PPFIBP1: variants seen among roughly 807,000 people sequenced by gnomAD.
PPFIBP1 encodes the protein PPFIB scaffold protein 1, also known as liprin-beta-1.
Under a neutral mutation model 137.8 loss-of-function variants are expected in PPFIBP1, and 112 were observed. The ratio of observed to expected loss-of-function variants is 0.81; its 90% confidence interval spans 0.70 to 0.95. The LOEUF is 0.95. Ranked by LOEUF, PPFIBP1 falls within the 40% of genes least tolerant of loss-of-function variation. The probability of loss-of-function intolerance (pLI) is 0.00; values close to 1 mark genes in which losing one functional copy is unlikely to be tolerated. For missense variants in PPFIBP1, 1,083 were observed against 1,196.6 expected (o/e 0.91, Z 1.40); for synonymous variants, 378 against 417.3 (o/e 0.91, Z 1.15).
At chr12:27,616,502 ATC>A (rs1435645557) in intron 2 of PPFIBP1, among the ~76,000 whole-genome samples, 1 of 152,050 alleles carries the variant, frequency 6.6e-6, no homozygotes, top group Non-Finnish European at 1.5e-5. Context: ...TAAGCACTGG[ATC>A]GTAACACAGG....
chr12:27,600,117 T>A (rs2053799363), intron 2 of PPFIBP1, among the ~76,000 whole-genome samples: 1 of 152,098 alleles, frequency 6.6e-6, no homozygotes, highest in African/African-American at 2.4e-5. Flanking sequence ...AACTTCTCTG[T>A]AAGTCTAAAA....
chr12:27,606,374 G>A (rs767799077), intron 2 of PPFIBP1, among the ~76,000 whole-genome samples: 19 of 152,144 alleles, frequency 1.2e-4, no homozygotes, highest in Admixed American at 1.3e-4. Context: ...AAGGTTGTCG[G>A]GGAGTAAGTT....
Position 27,653,533 on chromosome 12 carries a change from G to A in PPFIBP1, c.604-1189G>A, listed in dbSNP as rs2059008350. 2.7e-5 allele frequency among the ~76,000 whole-genome samples: 4 copies of A among 146,636 alleles called. No individual in the cohort carries two copies. The South Asian group carries it at 8.7e-4, about 32-fold the overall frequency. On this transcript the variant is annotated intron_variant, in intron 7 of 29. Transcript: ENST00000228425. ...ACCCTGGAGGCGAAGGTCGCGGTGA[G>A]CTGAGATGGCGGCACTGCACTCCAG...
intron 2 of PPFIBP1, among the ~76,000 whole-genome samples, chr12:27,627,721 G>A (rs920531018): frequency 6.6e-6 from 1 of 152,038 alleles, no homozygotes; most frequent in Non-Finnish European, 1.5e-5. Context: ...ATCCATGCCC[G>A]GAACTTTCCT....
At chr12:27,577,364 T>A (rs1476024389) in intron 1 of PPFIBP1, among the ~76,000 whole-genome samples, 1 of 152,178 alleles carries the variant, frequency 6.6e-6, no homozygotes, top group East Asian at 1.9e-4. Context: ...AACAGCCACA[T>A]CCATACGTCA....
In PPFIBP1 at chr12:27,673,773, A is replaced by C; in HGVS notation, c.1326A>C (p.Ser442=). ...DTQLCDKLLT[S]SLQKSSSLGN... is the part of the protein sequence containing the mutation. ...TTATTACTGTTATTTTTAGAACTTCAAGTCTGCAGAAGTCCAGCAGCCTGG... is the reference window on the plus strand; with the variant it reads ...TTATTACTGTTATTTTTAGAACTTCCAGTCTGCAGAAGTCCAGCAGCCTGG... Residue 442 remains serine, a synonymous_variant, in exon 16 of 30, where the codon TCA becomes TCC. Transcript: ENST00000228425. The C allele has an allele frequency of 6.2e-7, 1 of 1,612,782 alleles. No homozygotes were observed. Among genetic ancestry groups the C allele is most frequent in the Non-Finnish European group, 8.5e-7 (1 of 1,179,104 alleles).
At chr12:27,628,464 T>C (rs554757687) in intron 2 of PPFIBP1, among the ~76,000 whole-genome samples, 1 of 152,270 alleles carries the variant, frequency 6.6e-6, no homozygotes, top group South Asian at 2.1e-4. Flanking sequence ...CAGGTGTGAG[T>C]CACTGTGCTT....
At chr12:27,536,960 G>C (rs10842926) in intron 1 of PPFIBP1, among the ~76,000 whole-genome samples, 14,076 of 152,046 alleles carry the variant, frequency 0.093, 844 homozygotes, top group East Asian at 0.27. Context: ...CAGGTTTGTG[G>C]GTGGTAGCCT....
chr12:27,676,048 G>A lies in PPFIBP1; in HGVS notation c.1411-380G>A, dbSNP rs892959220. On this transcript the variant is annotated intron_variant, in intron 17 of 29. Transcript: ENST00000228425. ...TATGAACTGTATTATAGCTAAATCCGTGACATAATTGTTAGAAAAGTCAGA... is the reference window on the plus strand; with the variant it reads ...TATGAACTGTATTATAGCTAAATCCATGACATAATTGTTAGAAAAGTCAGA... Among the ~76,000 whole-genome samples, 6 of 152,092 alleles carry A rather than the reference G, an allele frequency of 3.9e-5. No homozygotes were observed. The East Asian group carries it at 5.8e-4, about 15-fold the overall frequency.
chr12:27,676,939 C>T, intron 18 of PPFIBP1, 125 bp from the exon 19 acceptor site: 1 of 1,218,822 alleles, frequency 8.2e-7, no homozygotes. Flanking sequence ...GCACTGTGTG[C>T]CGCATGCCTC....
chr12:27,627,245 T>C (rs1387747125), intron 2 of PPFIBP1, among the ~76,000 whole-genome samples: 1 of 152,228 alleles, frequency 6.6e-6, no homozygotes, highest in Non-Finnish European at 1.5e-5. Flanking sequence ...GCTGCACACA[T>C]TGGCAATCAT....
chr12:27,649,858 G>A (rs1183256944), intron 6 of PPFIBP1, 152 bp from the exon 7 acceptor site: 1 of 710,554 alleles, frequency 1.4e-6, no homozygotes, highest in African/African-American at 1.8e-5. Context: ...AGCCTCAAGT[G>A]AATAATTTTT....
Position 27,688,341 on chromosome 12 carries a change from G to T in PPFIBP1, c.2414G>T (p.Arg805Leu), listed in dbSNP as rs755867528. ...GAAGTTCAGAAGTGGACTAACCATC[G>T]AGTGATGGAGTGGCTGCGCTCCGTG... Reference protein sequence around the residue: ...PSEVQKWTNHRVMEWLRSVDL... With the variant: ...PSEVQKWTNHLVMEWLRSVDL... Residue 805 changes from arginine to leucine, a missense_variant, in exon 26 of 30, where the codon CGA (arginine) becomes CTA (leucine). By Grantham distance (102) the Arg-to-Leu change is moderately radical. Coordinates refer to ENST00000228425, the MANE Select transcript of PPFIBP1 (RefSeq NM_003622.4). 1 of 1,613,838 alleles carries T rather than the reference G, an allele frequency of 6.2e-7. No individual in the cohort carries two copies.
At position 27,544,631 on chromosome 12, in the gene PPFIBP1, A is replaced by G. The variant is rs1303152825; in HGVS notation, c.-124+20266A>G. Reference sequence around the variant, plus strand: ...GAAGACATTTATGTGGTCAACAAACATATGAAAAAAAGCTCATCATCACTG... The same window carrying G: ...GAAGACATTTATGTGGTCAACAAACGTATGAAAAAAAGCTCATCATCACTG... On this transcript the variant is annotated intron_variant, in intron 1 of 29. Transcript: ENST00000228425. 2.6e-5 allele frequency among the ~76,000 whole-genome samples: 4 copies of G among 152,230 alleles called. 1 individual carries two copies. The highest frequency in any genetic ancestry group is 6.5e-5 in the Admixed American group (1 of 15,282).
chr12:27,541,809 C>G (rs1308108814), intron 1 of PPFIBP1, among the ~76,000 whole-genome samples: 1 of 152,194 alleles, frequency 6.6e-6, no homozygotes, highest in East Asian at 1.9e-4. Context: ...AACCACCACT[C>G]AATAGATGCA....
rs779245814 is a variant in PPFIBP1 at position 27,682,422 on chromosome 12, A to T, written c.2082A>T (p.Lys694Asn). The change falls in exon 23 of 30, where the codon AAA (lysine) becomes AAT (asparagine). Residue 694 changes from lysine to asparagine, a missense_variant. Lys to Asn is a moderately conservative substitution (Grantham distance 94, BLOSUM62 0). Transcript: ENST00000228425. ...TCAAGCATTCACTTCATCGAAAGAA[A>T]CTCCAGCTAGCACTCCAAGCCCTGG... ...LGIKHSLHRK[K>N]LQLALQALGS... is the part of the protein sequence containing the mutation. 35 of 1,613,850 alleles carry T rather than the reference A, an allele frequency of 2.2e-5. No individual in the cohort carries two copies. The highest frequency in any genetic ancestry group is 3.0e-5 in the Non-Finnish European group (35 of 1,179,880).
intron 2 of PPFIBP1, among the ~76,000 whole-genome samples, chr12:27,598,433 T>C (rs931595649): frequency 1.3e-5 from 2 of 152,138 alleles, no homozygotes; most frequent in African/African-American, 4.8e-5. Context: ...ATGATTCAAT[T>C]ACCTCCGACT....
At chr12:27,567,039 G>T (rs2049737557) in intron 1 of PPFIBP1, among the ~76,000 whole-genome samples, 1 of 152,236 alleles carries the variant, frequency 6.6e-6, no homozygotes, top group African/African-American at 2.4e-5. Context: ...GAAGAGGAAA[G>T]CACACTGGTT....
chr12:27,532,051 A>C (rs1041692971), intron 1 of PPFIBP1, among the ~76,000 whole-genome samples: 1 of 152,214 alleles, frequency 6.6e-6, no homozygotes, highest in African/African-American at 2.4e-5. Context: ...CTGATAATGT[A>C]TGTGAAGCAC....
Sources: gnomAD v4.1 joint callset for allele counts (sites outside exome capture counted in the v4.1 genomes callset) on GRCh38, gnomAD v4.1.1 for gene constraint, MANE v1.5 for transcripts, NCBI Gene and HGNC (gene_info 2026-07-23, HGNC 2026-07-21) for gene names.